PPP6R3: variants seen among roughly 807,000 people sequenced by gnomAD.
PPP6R3 encodes protein phosphatase 6 regulatory subunit 3, also known as serine/threonine-protein phosphatase 6 regulatory subunit 3.
A neutral mutation model predicts 110.7 loss-of-function variants in PPP6R3; 38 were observed. The observed-to-expected ratio is 0.34, with a 90% confidence interval of 0.26 to 0.45. PPP6R3 has a LOEUF of 0.45. Among genes scored for constraint, PPP6R3 ranks in the 20% least tolerant of loss-of-function variants. PPP6R3 has a pLI of 1.00. For missense variants in PPP6R3, 870 were observed against 1,062.4 expected, an observed-to-expected ratio of 0.82 and a Z score of 2.52; for synonymous variants, 369 against 373.5, an observed-to-expected ratio of 0.99 and a Z score of 0.14.
intron 7 of PPP6R3, 30 bp from the exon 8 acceptor site, chr11:68,558,536 C>T: frequency 1.4e-6 from 2 of 1,405,320 alleles, no homozygotes; most frequent in Non-Finnish European, 1.0e-6. Flanking sequence ...AGTGATACTG[C>T]AGTTAGTGAT....
intron 22 of PPP6R3, among the ~76,000 whole-genome samples, chr11:68,607,534 A>G (rs2153965914): frequency 6.6e-6 from 1 of 152,330 alleles, no homozygotes; most frequent in East Asian, 1.9e-4. Flanking sequence ...ATTCTTAGGA[A>G]CCCTATAAGA....
At chr11:68,609,608 C>T (rs1442474166) in intron 22 of PPP6R3, 1 of 1,551,954 alleles carries the variant, frequency 6.4e-7, no homozygotes, top group Non-Finnish European at 8.7e-7. Context: ...CACTGGGCTT[C>T]AGAGTGTTGA....
chr11:68,551,850 A>T (rs1433193976), intron 6 of PPP6R3, among the ~76,000 whole-genome samples: 1 of 152,150 alleles, frequency 6.6e-6, no homozygotes, highest in African/African-American at 2.4e-5. Flanking sequence ...TGTTTTATCC[A>T]GTCTGTTTAC....
intron 1 of PPP6R3, among the ~76,000 whole-genome samples, chr11:68,491,379 T>TGTGTGTGTGTGTG (rs1491559108): frequency 1.6e-5 from 2 of 125,352 alleles, no homozygotes; most frequent in African/African-American, 2.9e-5. Context: ...TGTGTGTGTG[T>TGTGTGTGTGTGTG]TTGAGACAGA....
At chr11:68,521,511 T>A (rs2099164156) in intron 2 of PPP6R3, among the ~76,000 whole-genome samples, 1 of 152,204 alleles carries the variant, frequency 6.6e-6, no homozygotes, top group Non-Finnish European at 1.5e-5. Context: ...TCTCTGCTCG[T>A]CAGCATGCTG....
chr11:68,544,548 C>T (rs370255391), intron 3 of PPP6R3, among the ~76,000 whole-genome samples: 6 of 152,178 alleles, frequency 3.9e-5, no homozygotes, highest in African/African-American at 7.2e-5. Context: ...GGAGAAGGCC[C>T]GGGCCCTGCA....
chr11:68,587,117 T>G (rs1253621993), intron 15 of PPP6R3: 1 of 152,136 alleles, frequency 6.6e-6, no homozygotes, highest in East Asian at 1.9e-4. Flanking sequence ...TTCACTTGCT[T>G]CTTTGGGCCT....
At chr11:68,603,623 T>A in intron 22 of PPP6R3, 131 bp downstream of exon 22, 1 of 1,177,022 alleles carries the variant, frequency 8.5e-7, no homozygotes, top group Non-Finnish European at 1.2e-6. Flanking sequence ...CTTTCTGTTG[T>A]CTCCATTAAA....
At chr11:68,534,278 G>A (rs1020140898) in intron 2 of PPP6R3, among the ~76,000 whole-genome samples, 7 of 152,144 alleles carry the variant, frequency 4.6e-5, no homozygotes, top group Non-Finnish European at 8.8e-5. Context: ...GTGGAACAAA[G>A]GACACTACAC....
chr11:68,499,180 T>C (rs2099034957), intron 1 of PPP6R3, among the ~76,000 whole-genome samples: 1 of 152,118 alleles, frequency 6.6e-6, no homozygotes, highest in Non-Finnish European at 1.5e-5. Flanking sequence ...CCAAACGTAG[T>C]GGATTAAAAC....
intron 1 of PPP6R3, among the ~76,000 whole-genome samples, chr11:68,506,413 TCAAAAAAAAAAAAAA>T: frequency 5.8e-5 from 1 of 17,240 alleles, no homozygotes; most frequent in African/African-American, 2.2e-4. Context: ...CCCTTTATAC[TCAAAAAAAAAAAAAA>T]AAAAAAAAAA....
At chr11:68,537,626 A>C (rs770588189) in intron 2 of PPP6R3, 33 bp from the exon 3 acceptor site, 11 of 1,354,496 alleles carry the variant, frequency 8.1e-6, no homozygotes, top group Middle Eastern at 2.4e-4. Flanking sequence ...GTAAAGTTGA[A>C]ATTTTATGAA....
At chr11:68,606,252 G>C (rs1469907812) in intron 22 of PPP6R3, among the ~76,000 whole-genome samples, 1 of 152,072 alleles carries the variant, frequency 6.6e-6, no homozygotes, top group African/African-American at 2.4e-5. Flanking sequence ...GAGAAAACCA[G>C]TAACAGAAGT....
intron 2 of PPP6R3, among the ~76,000 whole-genome samples, chr11:68,531,326 T>TATTC (rs2099238693): frequency 6.7e-6 from 1 of 149,766 alleles, no homozygotes; most frequent in Admixed American, 6.7e-5. Context: ...TTTATTTATT[T>TATTC]ATTTATTTAT....
chr11:68,468,602 AG>A (rs1311071820), intron 1 of PPP6R3, among the ~76,000 whole-genome samples: 1 of 152,246 alleles, frequency 6.6e-6, no homozygotes, highest in East Asian at 1.9e-4. Context: ...GGAGTATTAT[AG>A]GATCATAGAG....
At chr11:68,585,585 G>GATA (rs751158091) in intron 15 of PPP6R3, among the ~76,000 whole-genome samples, 19 of 152,150 alleles carry the variant, frequency 1.2e-4, no homozygotes, top group Non-Finnish European at 2.6e-4. Context: ...CTTTAAATAG[G>GATA]ATACAATAAC....
chr11:68,609,393 G>A lies in PPP6R3; in HGVS notation c.2451-511G>A, dbSNP rs1942146465. On this transcript the variant is annotated intron_variant, in intron 22 of 23. Transcript: ENST00000393800. ...TGAGGCTTCCAGCCAGCAAGCTGATGGGGTCTGTCTTGCTGCTTTAATGGT... is the reference window on the plus strand; with the variant it reads ...TGAGGCTTCCAGCCAGCAAGCTGATAGGGTCTGTCTTGCTGCTTTAATGGT... 7 of 697,466 alleles carry A rather than the reference G, an allele frequency of 1.0e-5. No homozygotes were observed. The South Asian group carries it at 1.1e-4, about 11-fold the overall frequency. 43.2% of individuals were successfully genotyped at this position (697,466 alleles called of 1,614,324 possible). A position where few individuals can be genotyped will look rare whatever the true frequency, so the allele number is the denominator to read the frequency against.
chr11:68,556,008 A>G (rs1282450045), intron 7 of PPP6R3, among the ~76,000 whole-genome samples: 10 of 152,252 alleles, frequency 6.6e-5, no homozygotes, highest in Non-Finnish European at 1.5e-5. Flanking sequence ...CTTATTAATC[A>G]TAATAGCATC....
intron 14 of PPP6R3, among the ~76,000 whole-genome samples, chr11:68,580,746 C>CTTTT (rs71043441): frequency 7.4e-5 from 5 of 67,528 alleles, no homozygotes; most frequent in Admixed American, 2.4e-4. Flanking sequence ...GGTAAATAAT[C>CTTTT]TTTTTTTTTT....
Sources: allele counts gnomAD v4.1 joint callset (sites outside exome capture counted in the v4.1 genomes callset), GRCh38; gene constraint gnomAD v4.1.1; transcripts MANE v1.5; gene names NCBI Gene and HGNC (gene_info 2026-07-23, HGNC 2026-07-21).